Variants in GCNT3 observed in about 807,000 individuals in gnomAD.
GCNT3 encodes glucosaminyl (N-acetyl) transferase 3, mucin type, also known as beta-1,3-galactosyl-O-glycosyl-glycoprotein beta-1,6-N-acetylglucosaminyltransferase 3.
For synonymous variants in GCNT3, 269 were observed against 195.2 expected (o/e 1.38, Z -3.15); for missense variants, 708 against 530.3 (o/e 1.34, Z -3.29).
rs753667776 is a variant in GCNT3, at chr15:59,619,596, T to G, written c.*41T>G. On this transcript the variant is annotated 3_prime_UTR_variant, in exon 3 of 3. Coordinates refer to ENST00000396065, the MANE Select transcript of GCNT3 (RefSeq NM_004751.3). ...CGTTGCTACCTGTGGGGCAAGAGCA[T>G]GTACAAACATGCTCAGAACTTGCTG... The G allele has an allele frequency of 7.9e-7, 1 of 1,271,446 alleles. No individual in the cohort carries two copies. Among genetic ancestry groups the G allele is most frequent in the South Asian group, 1.4e-5 (1 of 73,728 alleles). The allele number at this position is 1,271,446 out of a possible 1,614,324, so 78.8% of individuals were successfully genotyped here. A position where few individuals can be genotyped will look rare whatever the true frequency, so the allele number is the denominator to read the frequency against.
At chr15:59,612,067 C>A (rs2082698722) in intron 1 of GCNT3, 86 bp downstream of exon 1, 1 of 152,204 alleles carries the variant, frequency 6.6e-6, no homozygotes, top group Non-Finnish European at 1.5e-5. Context: ...TTCTTGGGCC[C>A]TTCTCTGACG....
rs1391328625 is a variant in GCNT3, at chr15:59,619,457, C to G, written c.1219C>G (p.Leu407Val). 3 of 1,614,112 alleles carry G rather than the reference C, an allele frequency of 1.9e-6. No homozygotes were observed. The highest frequency in any genetic ancestry group is 2.5e-6 in the Non-Finnish European group (3 of 1,179,982). Residue 407 changes from leucine to valine, a missense_variant, in exon 3 of 3, where the codon CTG becomes GTG. Leu to Val is a conservative substitution (Grantham distance 32, BLOSUM62 1). Coordinates refer to ENST00000396065, the MANE Select transcript of GCNT3 (RefSeq NM_004751.3). ...GAATTGGATGCTTCAAAACCATCAC[C>G]TGTTGGCCAACAAGTTTGACCCAAA... ...DLNWMLQNHH[L>V]LANKFDPKVD...
In GCNT3 at chr15:59,618,908, C is replaced by G; in HGVS notation, c.670C>G (p.Leu224Val). 6.2e-7 allele frequency: 1 copy of G among 1,614,152 alleles called. No individual in the cohort carries two copies. Among genetic ancestry groups the G allele is most frequent in the Non-Finnish European group, 8.5e-7 (1 of 1,180,028 alleles). The change falls in exon 3 of 3, where the codon CTG becomes GTG. Residue 224 changes from leucine (L) to valine (V), a missense_variant. Leu to Val is a conservative substitution (Grantham distance 32, BLOSUM62 1). Transcript: ENST00000396065. ...GAGCTCAGTGCCGTGGAAATACTTCCTGAATACATGTGGGACGGACTTTCC... is the reference window on the plus strand; with the variant it reads ...GAGCTCAGTGCCGTGGAAATACTTCGTGAATACATGTGGGACGGACTTTCC... ...LQSSVPWKYF[L>V]NTCGTDFPIK...
Position 59,620,344 on chromosome 15 carries a change from T to A in GCNT3, c.*789T>A, listed in dbSNP as rs548862284. On this transcript the variant is annotated 3_prime_UTR_variant, in exon 3 of 3. Coordinates refer to ENST00000396065, the MANE Select transcript of GCNT3 (RefSeq NM_004751.3). ...CACCATGTCTGGCTAATTTTTGTAT[T>A]TTTAGTAGAGGCCGGGTTTCACCAT... 4 of 166,532 alleles carry A rather than the reference T, an allele frequency of 2.4e-5. No homozygotes were observed. The highest frequency in any genetic ancestry group is 5.9e-5 in the Non-Finnish European group (4 of 68,102). The allele number at this position is 166,532 out of a possible 1,614,324, so 10.3% of individuals were successfully genotyped here.
intron 1 of GCNT3, among the ~76,000 whole-genome samples, chr15:59,613,056 C>G (rs2082703472): frequency 6.6e-6 from 1 of 151,990 alleles, no homozygotes; most frequent in South Asian, 2.1e-4. Context: ...TCATGATAAC[C>G]TTCACTGAGG....
At position 59,619,075 on chromosome 15, in the gene GCNT3, C is replaced by T; in HGVS notation, c.837C>T (p.Thr279=). 1 of 1,614,050 alleles carries T rather than the reference C, an allele frequency of 6.2e-7. No individual in the cohort carries two copies. The highest frequency in any genetic ancestry group is 1.1e-5 in the South Asian group (1 of 91,080). ...FEVVRDTLHL[T]NKKKDPPPYN... ...TAGTGAGAGACACATTACACCTAAC[C>T]AACAAGAAGAAGGATCCTCCCCCTT... is the stretch of plus-strand genomic sequence containing the variant. The change falls in exon 3 of 3, where the codon ACC becomes ACT. Residue 279 remains threonine, a synonymous_variant. Coordinates refer to ENST00000396065, the MANE Select transcript of GCNT3 (RefSeq NM_004751.3).
chr15:59,618,858 T>A lies in GCNT3; in HGVS notation c.620T>A (p.Leu207His), dbSNP rs200969029. ...TCCTGGTCCAGGGTGCAAGCTGACC[T>A]CAACTGCATGGAAGACTTGCTCCAG... ...YASWSRVQADLNCMEDLLQSS... is the reference protein window; with the variant it reads ...YASWSRVQADHNCMEDLLQSS... The change falls in exon 3 of 3, where the codon CTC (leucine) becomes CAC (histidine). Residue 207 changes from leucine (L) to histidine (H), a missense_variant. Transcript: ENST00000396065. 1 of 1,614,174 alleles carries A rather than the reference T, an allele frequency of 6.2e-7. No individual in the cohort carries two copies. The highest frequency in any genetic ancestry group is 8.5e-7 in the Non-Finnish European group (1 of 1,180,020).
Position 59,619,418 on chromosome 15 carries a change from G to A in GCNT3, c.1180G>A (p.Gly394Arg). The A allele has an allele frequency of 6.2e-7, 1 of 1,614,144 alleles. No homozygotes were observed. The highest frequency in any genetic ancestry group is 8.5e-7 in the Non-Finnish European group (1 of 1,180,006). Residue 394 changes from glycine to arginine, a missense_variant, in exon 3 of 3, where the codon GGG becomes AGG. Physicochemically the swap from Gly to Arg is moderately radical, Grantham distance 125. Coordinates refer to ENST00000396065, the MANE Select transcript of GCNT3 (RefSeq NM_004751.3). Reference protein sequence around the residue: ...GIHQRAICVYGAGDLNWMLQN... With the variant: ...GIHQRAICVYRAGDLNWMLQN... ...CCACCAGCGGGCTATCTGCGTTTAT[G>A]GGGCTGGGGACTTGAATTGGATGCT... is the stretch of plus-strand genomic sequence containing the variant.
rs1213597090 is a variant in GCNT3, at chr15:59,622,274, C to G, written c.*2719C>G. 1 of 150,792 alleles carries G rather than the reference C, an allele frequency of 6.6e-6. No homozygotes were observed. Among genetic ancestry groups the G allele is most frequent in the African/African-American group, 2.4e-5 (1 of 40,880 alleles). The allele number at this position is 150,792 out of a possible 1,614,324, so 9.3% of individuals were successfully genotyped here. Reference sequence around the variant, plus strand: ...GTTGCAGTGAGCTGAGATCGTACCACTGCACTCCAGCCTGGGCGATAGAGC... The same window carrying G: ...GTTGCAGTGAGCTGAGATCGTACCAGTGCACTCCAGCCTGGGCGATAGAGC... On this transcript the variant is annotated 3_prime_UTR_variant, in exon 3 of 3. Coordinates refer to ENST00000396065, the MANE Select transcript of GCNT3 (RefSeq NM_004751.3).
At chr15:59,613,748 C>G (rs1213285701) in intron 1 of GCNT3, among the ~76,000 whole-genome samples, 2 of 151,846 alleles carry the variant, frequency 1.3e-5, no homozygotes, top group African/African-American at 4.8e-5. Flanking sequence ...CAAAAATATT[C>G]AGGCCCGGCA....
At chr15:59,612,864 A>G (rs1315565173) in intron 1 of GCNT3, among the ~76,000 whole-genome samples, 1 of 152,076 alleles carries the variant, frequency 6.6e-6, no homozygotes, top group East Asian at 1.9e-4. Context: ...GCTGAGGGTG[A>G]CAACTTACAA....
chr15:59,618,135 G>A, intron 2 of GCNT3, 44 bp from the exon 3 acceptor site: 1 of 668,894 alleles, frequency 1.5e-6, no homozygotes, highest in Non-Finnish European at 2.6e-6. Flanking sequence ...TGATGTTTCT[G>A]GGAATGATTG....
At chr15:59,613,654 A>AG (rs1398679532) in intron 1 of GCNT3, among the ~76,000 whole-genome samples, 29 of 152,326 alleles carry the variant, frequency 1.9e-4, no homozygotes, top group Admixed American at 8.5e-4. Context: ...TGAGCCCAGG[A>AG]GGCAGAGGTT....
At chr15:59,616,226 G>A (rs936835862) in intron 1 of GCNT3, among the ~76,000 whole-genome samples, 1 of 152,218 alleles carries the variant, frequency 6.6e-6, no homozygotes, top group Admixed American at 6.5e-5. Context: ...GGGGTACCGG[G>A]AGGGAGCAGT....
At position 59,620,641 on chromosome 15, in the gene GCNT3, A is replaced by G. The variant is rs1204550898; in HGVS notation, c.*1086A>G. 2 of 167,054 alleles carry G rather than the reference A, an allele frequency of 1.2e-5. No homozygotes were observed. The highest frequency in any genetic ancestry group is 2.9e-5 in the Non-Finnish European group (2 of 68,118). The allele number at this position is 167,054 out of a possible 1,614,324, so 10.3% of individuals were successfully genotyped here. A position where few individuals can be genotyped will look rare whatever the true frequency, so the allele number is the denominator to read the frequency against. On this transcript the variant is annotated 3_prime_UTR_variant, in exon 3 of 3. Coordinates refer to ENST00000396065, the MANE Select transcript of GCNT3 (RefSeq NM_004751.3). ...ACTCTTACAGGAAAATCGCAGCACT[A>G]ATTCTAATTTTGTCCACTTTACAGC... is the stretch of plus-strand genomic sequence containing the variant.
Position 59,618,759 on chromosome 15 carries a change from A to C in GCNT3, c.521A>C (p.Glu174Ala). 7 of 1,614,216 alleles carry C rather than the reference A, an allele frequency of 4.3e-6. No individual in the cohort carries two copies. Among genetic ancestry groups the C allele is most frequent in the Non-Finnish European group, 5.9e-6 (7 of 1,180,032 alleles). ...VDEKSPETFK[E>A]AVKAIISCFP... is the part of the protein sequence containing the mutation. ...GAGAAGTCCCCAGAAACTTTCAAAG[A>C]GGCGGTCAAAGCAATTATTTCTTGC... The change falls in exon 3 of 3, where the codon GAG becomes GCG. Residue 174 changes from glutamate to alanine, a missense_variant. Physicochemically the swap from Glu to Ala is moderately radical, Grantham distance 107 (BLOSUM62 -1). Coordinates refer to ENST00000396065, the MANE Select transcript of GCNT3 (RefSeq NM_004751.3).
At position 59,618,532 on chromosome 15, in the gene GCNT3, C is replaced by T. The variant is rs754847524; in HGVS notation, c.294C>T (p.Phe98=). The T allele has an allele frequency of 5.0e-5, 81 of 1,614,074 alleles. No individual in the cohort carries two copies. Among genetic ancestry groups the T allele is most frequent in the Non-Finnish European group, 6.4e-5 (75 of 1,180,040 alleles). The change falls in exon 3 of 3, where the codon TTC becomes TTT. Residue 98 remains phenylalanine (F), a synonymous_variant. Coordinates refer to ENST00000396065, the MANE Select transcript of GCNT3 (RefSeq NM_004751.3). ...NLEVKKKREP[F]TDTHYLSLTR... Reference sequence around the variant, plus strand: ...AGGTCAAGAAGAAGCGAGAGCCTTTCACAGACACCCACTACCTCTCCCTCA... The same window carrying T: ...AGGTCAAGAAGAAGCGAGAGCCTTTTACAGACACCCACTACCTCTCCCTCA...
At position 59,621,514 on chromosome 15, in the gene GCNT3, G is replaced by A. The variant is rs146452831; in HGVS notation, c.*1959G>A. The A allele has an allele frequency of 1.1e-3, 157 of 148,648 alleles. No individual in the cohort carries two copies. The highest frequency in any genetic ancestry group is 3.8e-3 in the African/African-American group (156 of 40,588). The allele number at this position is 148,648 out of a possible 1,614,324, so 9.2% of individuals were successfully genotyped here. ...CCCTGGAAAGGTGATTTATATGCAAGTTAATTGGTGTAATCTGAAGGATGC... is the reference window on the plus strand; with the variant it reads ...CCCTGGAAAGGTGATTTATATGCAAATTAATTGGTGTAATCTGAAGGATGC... On this transcript the variant is annotated 3_prime_UTR_variant, in exon 3 of 3. Transcript: ENST00000396065.
rs145755021 is a variant in GCNT3 at position 59,619,016 on chromosome 15, C to T, written c.778C>T (p.His260Tyr). 1.1e-5 allele frequency: 18 copies of T among 1,614,126 alleles called. No individual in the cohort carries two copies. In the African/African-American group the frequency reaches 2.0e-4, roughly 18 times the overall value. Residue 260 changes from histidine to tyrosine, a missense_variant, in exon 3 of 3, where the codon CAC becomes TAC. Coordinates refer to ENST00000396065, the MANE Select transcript of GCNT3 (RefSeq NM_004751.3). Reference protein sequence around the residue: ...NSMESEVPPKHKETRWKYHFE... With the variant: ...NSMESEVPPKYKETRWKYHFE... The stretch of plus-strand genomic sequence containing the variant: ...CATGGAGTCAGAGGTACCTCCTAAG[C>T]ACAAAGAAACCCGCTGGAAATATCA...
Sources: allele counts gnomAD v4.1 joint callset (sites outside exome capture counted in the v4.1 genomes callset), GRCh38; gene constraint gnomAD v4.1.1; transcripts MANE v1.5; gene names NCBI Gene and HGNC (gene_info 2026-07-23, HGNC 2026-07-21).